The following DPP10 variants were observed in gnomAD, a reference collection of about 807,000 sequenced individuals.
DPP10 encodes inactive dipeptidyl peptidase 10.
A neutral mutation model predicts 120.9 loss-of-function variants in DPP10; 33 were observed. That is an observed-to-expected ratio of 0.27 (90% confidence interval 0.21 to 0.37). The LOEUF is 0.37. DPP10 is among the 10% of genes least tolerant of loss of function. The probability of loss-of-function intolerance (pLI) is 1.00; values close to 1 mark genes in which losing one functional copy is unlikely to be tolerated. For missense variants in DPP10, 816 were observed against 942.8 expected (o/e 0.87, Z 1.76); for synonymous variants, 337 against 326.1 (o/e 1.03, Z -0.36).
chr2:115,032,900 A>G (rs904094529), intron 1 of DPP10, among the ~76,000 whole-genome samples: 15 of 146,528 alleles, frequency 1.0e-4, no homozygotes, highest in Non-Finnish European at 2.1e-4. Context: ...AAAAAAAAAG[A>G]AGAAGAAGAA....
intron 1 of DPP10, among the ~76,000 whole-genome samples, chr2:115,242,706 G>T (rs1358132097): frequency 7.9e-5 from 11 of 138,456 alleles, no homozygotes; most frequent in African/African-American, 2.8e-4. Context: ...GGCCATTATT[G>T]CCAGAGTAAG....
intron 1 of DPP10, among the ~76,000 whole-genome samples, chr2:115,201,823 A>G (rs958712938): frequency 2.0e-5 from 3 of 150,344 alleles, no homozygotes; most frequent in Non-Finnish European, 4.4e-5. Flanking sequence ...GCAAATTCAG[A>G]ATTGCTACTT....
At chr2:114,650,610 A>C (rs980567862) in intron 1 of DPP10, among the ~76,000 whole-genome samples, 2 of 152,166 alleles carry the variant, frequency 1.3e-5, no homozygotes, top group Admixed American at 6.5e-5. Flanking sequence ...TTTACATGAG[A>C]GAAAAGGAAT....
chr2:115,073,876 A>G (rs777982137), intron 1 of DPP10, among the ~76,000 whole-genome samples: 10 of 152,152 alleles, frequency 6.6e-5, no homozygotes, highest in Admixed American at 2.0e-4. Context: ...GCTTTTTTAT[A>G]CTCATTTGTG....
At chr2:115,427,279 T>G (rs1236249654) in intron 3 of DPP10, among the ~76,000 whole-genome samples, 2 of 152,196 alleles carry the variant, frequency 1.3e-5, no homozygotes, top group Non-Finnish European at 2.9e-5. Context: ...GGACTCTGTG[T>G]GGGAGTTCCA....
chr2:115,104,778 C>A (rs193013422), intron 1 of DPP10, among the ~76,000 whole-genome samples: 10 of 152,214 alleles, frequency 6.6e-5, no homozygotes, highest in Non-Finnish European at 1.0e-4. Flanking sequence ...GAGGCCGAGG[C>A]GGGTGGATCA....
At chr2:114,605,392 C>T (rs1196353828) in intron 1 of DPP10, among the ~76,000 whole-genome samples, 1 of 152,076 alleles carries the variant, frequency 6.6e-6, no homozygotes, top group Non-Finnish European at 1.5e-5. Context: ...ATGAAGATGA[C>T]AAGAATGAAA....
chr2:115,709,203 G>T (rs114542095), intron 7 of DPP10, among the ~76,000 whole-genome samples: 1 of 152,064 alleles, frequency 6.6e-6, no homozygotes, highest in Non-Finnish European at 1.5e-5. Context: ...GGCAGAGTGT[G>T]GGTATCAAGT....
chr2:114,897,544 A>G (rs1693132412), intron 1 of DPP10, among the ~76,000 whole-genome samples: 1 of 152,180 alleles, frequency 6.6e-6, no homozygotes, highest in African/African-American at 2.4e-5. Flanking sequence ...AGAAACTACC[A>G]TCAGAGTGAA....
intron 1 of DPP10, among the ~76,000 whole-genome samples, chr2:115,022,524 A>G (rs779404229): frequency 6.6e-6 from 1 of 152,150 alleles, no homozygotes; most frequent in Non-Finnish European, 1.5e-5. Flanking sequence ...ATTGAAACAC[A>G]TCCCATGCTC....
At chr2:114,674,145 T>G (rs1050791509) in intron 1 of DPP10, among the ~76,000 whole-genome samples, 1 of 152,080 alleles carries the variant, frequency 6.6e-6, no homozygotes, top group African/African-American at 2.4e-5. Flanking sequence ...CTTTACATGA[T>G]CCTATCCTCA....
intron 1 of DPP10, among the ~76,000 whole-genome samples, chr2:114,714,563 G>T (rs1701236239): frequency 6.6e-6 from 1 of 152,096 alleles, no homozygotes; most frequent in Admixed American, 6.5e-5. Context: ...AGGAAATGAG[G>T]ATGAGCTTTC....
intron 5 of DPP10, chr2:115,579,440 T>A (rs945747700): frequency 3.3e-5 from 5 of 151,986 alleles, no homozygotes; most frequent in Admixed American, 2.6e-4. Context: ...CCTAAATGAG[T>A]CTTGATTAAC....
At chr2:115,582,873 C>A (rs2082079420) in intron 5 of DPP10, among the ~76,000 whole-genome samples, 1 of 152,154 alleles carries the variant, frequency 6.6e-6, no homozygotes, top group African/African-American at 2.4e-5. Flanking sequence ...GCTTTTGTCA[C>A]CACATTGCAG....
intron 3 of DPP10, among the ~76,000 whole-genome samples, chr2:115,351,071 G>T (rs542327166): frequency 1.3e-5 from 2 of 152,172 alleles, no homozygotes; most frequent in East Asian, 1.9e-4. Context: ...CCATACATTT[G>T]CATGTTCTTT....
intron 7 of DPP10, among the ~76,000 whole-genome samples, chr2:115,706,292 T>C (rs893986845): frequency 1.4e-4 from 22 of 151,896 alleles, no homozygotes; most frequent in African/African-American, 4.1e-4. Flanking sequence ...ATTTTAGTCA[T>C]TTAGAAATAA....
intron 1 of DPP10, among the ~76,000 whole-genome samples, chr2:115,224,901 G>A (rs1559270635): frequency 6.6e-6 from 1 of 152,088 alleles, no homozygotes; most frequent in Non-Finnish European, 1.5e-5. Context: ...TTTGAGACAG[G>A]TATGAGTATC....
At chr2:115,694,057 T>C (rs1020983140) in intron 7 of DPP10, among the ~76,000 whole-genome samples, 23 of 152,190 alleles carry the variant, frequency 1.5e-4, no homozygotes, top group African/African-American at 5.5e-4. Flanking sequence ...ATGTCATTTT[T>C]CAAACTCCTT....
chr2:115,064,905 A>AT, intron 1 of DPP10: 2 of 1,205,888 alleles, frequency 1.7e-6, no homozygotes, highest in Non-Finnish European at 2.2e-6. Context: ...GTCTTTTCCT[A>AT]TTTTTCTTTT....
Sources: allele counts gnomAD v4.1 joint callset (sites outside exome capture counted in the v4.1 genomes callset), GRCh38; gene constraint gnomAD v4.1.1; transcripts MANE v1.5; gene names NCBI Gene and HGNC (gene_info 2026-07-23, HGNC 2026-07-21).